The following MRPL36 variants were observed in gnomAD, a reference collection of about 807,000 sequenced individuals.
MRPL36 encodes the protein large ribosomal subunit protein bL36m.
Under a neutral mutation model 2.8 loss-of-function variants are expected in MRPL36, and 1 was observed. The observed-to-expected ratio is 0.36, with a 90% CI of 0.13 to 1.69. The LOEUF (loss-of-function observed/expected upper bound fraction) is 1.69, where lower values mean the gene tolerates loss of function less well. Ranked by LOEUF, MRPL36 falls within the 40% of genes most tolerant of loss-of-function variation. The pLI is 0.35. For synonymous variants in MRPL36, 68 were observed against 54.8 expected, an observed-to-expected ratio of 1.24 and a Z score of -1.06; for missense variants, 148 against 132.7, an observed-to-expected ratio of 1.12 and a Z score of -0.57.
At chr5:1,800,273 G>C (rs1218275352), upstream of MRPL36, among the ~76,000 whole-genome samples, 1 of 152,164 alleles carries the variant, frequency 6.6e-6, no homozygotes, top group East Asian at 1.9e-4. Context: ...AGAGAAAAAG[G>C]GAAAGAACTG....
In MRPL36 at chr5:1,798,790, C is replaced by A. The variant is rs149668102; in HGVS notation, c.146G>T (p.Arg49Leu). 1.9e-5 allele frequency: 30 copies of A among 1,614,110 alleles called. No individual in the cohort carries two copies. Among genetic ancestry groups the A allele is most frequent in the Non-Finnish European group, 2.3e-5 (27 of 1,180,018 alleles). ...CAGGAGGCCGGGTGAGAGAAGTGAG[C>A]GCACTGCTGCCCCGGGTTCCACAGC... ...PVAVEPGAAV[R>L]SLLSPGLLPH... Residue 49 changes from arginine (R) to leucine (L), a missense_variant, in exon 2 of 2, where the codon CGC becomes CTC. Transcript: ENST00000505059.
rs370132229 is a variant in MRPL36 at position 1,798,612 on chromosome 5, G to A, written c.*12C>T. On this transcript the variant is annotated 3_prime_UTR_variant, in exon 2 of 2. Transcript: ENST00000505059. ...GATGACGAGTATGTGCGTGACTCTG[G>A]AGGGAAAGGGTCTACATCTGTCTCT... 3.1e-6 allele frequency: 5 copies of A among 1,595,158 alleles called. No homozygotes were observed. Among genetic ancestry groups the A allele is most frequent in the Non-Finnish European group, 4.3e-6 (5 of 1,164,748 alleles).
upstream of MRPL36, among the ~76,000 whole-genome samples, chr5:1,800,972 G>T (rs568251218): frequency 3.3e-5 from 5 of 152,114 alleles, no homozygotes; most frequent in East Asian, 1.9e-4. Flanking sequence ...CATGATTATC[G>T]GTTACCATAA....
chr5:1,799,875 CG>C (rs368360524), upstream of MRPL36: 24,623 of 131,434 alleles, frequency 0.19, 2,404 homozygotes, highest in South Asian at 0.32. Flanking sequence ...AAGATGGCGG[CG>C]GGGGGGGGGG....
At position 1,798,452 on chromosome 5, in the gene MRPL36, A is replaced by G. The variant is rs1404169365; in HGVS notation, c.*172T>C. ...GAACGTTTTGGAAATAAGATAACGCAATGTCTTCTATAGTTACTCATTTAC... is the reference window on the plus strand; with the variant it reads ...GAACGTTTTGGAAATAAGATAACGCGATGTCTTCTATAGTTACTCATTTAC... On this transcript the variant is annotated 3_prime_UTR_variant, in exon 2 of 2. Coordinates refer to ENST00000505059, the MANE Select transcript of MRPL36 (RefSeq NM_032479.4). 1.6e-6 allele frequency: 1 copy of G among 607,232 alleles called. No homozygotes were observed. The highest frequency in any genetic ancestry group is 2.8e-6 in the Non-Finnish European group (1 of 352,602). The allele number at this position is 607,232 out of a possible 1,614,324, so 37.6% of individuals were successfully genotyped here. A position where few individuals can be genotyped will look rare whatever the true frequency, so the allele number is the denominator to read the frequency against.
rs199560596 is a variant in MRPL36 at position 1,798,819 on chromosome 5, G to A, written c.117C>T (p.Pro39=). 10 of 1,613,130 alleles carry A rather than the reference G, an allele frequency of 6.2e-6. No homozygotes were observed. The highest frequency in any genetic ancestry group is 2.2e-5 in the South Asian group (2 of 91,080). ...CTGCTGCCCCGGGTTCCACAGCCAC[G>A]GGGGCTGCACCTCGAATGGATCCAA... ...FLFGSIRGAA[P]VAVEPGAAVR... is the part of the protein sequence containing the mutation. The change falls in exon 2 of 2, where the codon CCC becomes CCT. Residue 39 remains proline (P), a synonymous_variant. Coordinates refer to ENST00000505059, the MANE Select transcript of MRPL36 (RefSeq NM_032479.4).
upstream of MRPL36, among the ~76,000 whole-genome samples, chr5:1,800,132 A>G (rs1479964148): frequency 6.6e-6 from 1 of 152,222 alleles, no homozygotes; most frequent in African/African-American, 2.4e-5. Flanking sequence ...TGTCAAAACA[A>G]ACTGAGAAAG....
In MRPL36 at chr5:1,798,843, A is replaced by C; in HGVS notation, c.93T>G (p.Phe31Leu). ...CGGGGGCTGCACCTCGAATGGATCC[A>C]AATAGAAATGTGGAGAGGGCTCGAG... ...VKPRALSTFLFGSIRGAAPVA... is the reference protein window; with the variant it reads ...VKPRALSTFLLGSIRGAAPVA... Residue 31 changes from phenylalanine to leucine, a missense_variant, in exon 2 of 2, where the codon TTT (phenylalanine) becomes TTG (leucine). Phe to Leu is a conservative substitution (Grantham distance 22). Transcript: ENST00000505059. The C allele has an allele frequency of 6.2e-7, 1 of 1,614,056 alleles. No homozygotes were observed. Among genetic ancestry groups the C allele is most frequent in the African/African-American group, 1.3e-5 (1 of 75,038 alleles).
Position 1,798,901 on chromosome 5 carries a change from G to C in MRPL36, c.35C>G (p.Pro12Arg), listed in dbSNP as rs369869102. 6.2e-6 allele frequency: 10 copies of C among 1,603,024 alleles called. No individual in the cohort carries two copies. Among genetic ancestry groups the C allele is most frequent in the African/African-American group, 1.3e-5 (1 of 74,774 alleles). Residue 12 changes from proline to arginine, a missense_variant, in exon 2 of 2, where the codon CCT becomes CGT. Pro to Arg is a moderately radical substitution (Grantham distance 103). Transcript: ENST00000505059. Reference sequence around the variant, plus strand: ...CGTGTGACGACTGAGATAGAGCAGAGGGTTCACCATTTTCCTTATAAAAAG... The same window carrying C: ...CGTGTGACGACTGAGATAGAGCAGACGGTTCACCATTTTCCTTATAAAAAG... ...ANLFIRKMVN[P>R]LLYLSRHTVK... is the part of the protein sequence containing the mutation.
rs755627270 is a variant in MRPL36, at chr5:1,798,803, C to T, written c.133G>A (p.Gly45Arg). 1.9e-6 allele frequency: 3 copies of T among 1,613,942 alleles called. No homozygotes were observed. The highest frequency in any genetic ancestry group is 2.2e-5 in the South Asian group (2 of 91,074). Residue 45 changes from glycine to arginine, a missense_variant, in exon 2 of 2, where the codon GGG becomes AGG. Transcript: ENST00000505059. ...RGAAPVAVEPGAAVRSLLSPG... is the reference protein window; with the variant it reads ...RGAAPVAVEPRAAVRSLLSPG... ...GAGAGAAGTGAGCGCACTGCTGCCCCGGGTTCCACAGCCACGGGGGCTGCA... is the reference window on the plus strand; with the variant it reads ...GAGAGAAGTGAGCGCACTGCTGCCCTGGGTTCCACAGCCACGGGGGCTGCA...
At chr5:1,801,224 T>C, upstream of MRPL36, 1 of 804,358 alleles carries the variant, frequency 1.2e-6, no homozygotes, top group Non-Finnish European at 1.9e-6. Context: ...TCAGGGGCAT[T>C]TTTAGCGAGA....
chr5:1,799,784 T>TCCCTCAACCGGCCACACG lies in MRPL36; in HGVS notation c.-13+7_-13+8insCGTGTGGCCGGTTGAGGG, dbSNP rs1554017847. The TCCCTCAACCGGCCACACG allele has an allele frequency of 7.4e-6, 1 of 134,288 alleles. No homozygotes were observed. Among genetic ancestry groups the TCCCTCAACCGGCCACACG allele is most frequent in the African/African-American group, 2.9e-5 (1 of 34,184 alleles). 8.3% of individuals were successfully genotyped at this position (134,288 alleles called of 1,614,324 possible). A position where few individuals can be genotyped will look rare whatever the true frequency, so the allele number is the denominator to read the frequency against. ...GGGACCCCTGACCTGAGAAGACGGCTCCCTTACCCGGCCGCACGCTCTCAC... is the reference window on the plus strand; with the variant it reads ...GGGACCCCTGACCTGAGAAGACGGCTCCCTCAACCGGCCACACGCCCTTACCCGGCCGCACGCTCTCAC... On this transcript the variant is annotated splice_region_variant and intron_variant, in intron 1 of 1. Transcript: ENST00000505059.
chr5:1,800,808 A>T (rs1419767594), upstream of MRPL36, among the ~76,000 whole-genome samples: 1 of 152,156 alleles, frequency 6.6e-6, no homozygotes, highest in Non-Finnish European at 1.5e-5. Context: ...TCGGTGTACT[A>T]GGCTTTGTTG....
upstream of MRPL36, among the ~76,000 whole-genome samples, chr5:1,800,983 G>A (rs1214960936): frequency 6.6e-6 from 1 of 152,148 alleles, no homozygotes; most frequent in Non-Finnish European, 1.5e-5. Flanking sequence ...GTTACCATAA[G>A]AATATAAACA....
upstream of MRPL36, chr5:1,801,337 G>A (rs967779097): frequency 4.5e-6 from 7 of 1,544,106 alleles, no homozygotes; most frequent in Admixed American, 1.1e-4. Flanking sequence ...TAAATACCGG[G>A]TGTTTGGCGC....
At chr5:1,799,021 T>A in intron 1 of MRPL36, 74 bp from the exon 2 acceptor site, 1 of 1,254,334 alleles carries the variant, frequency 8.0e-7, no homozygotes. Context: ...TCCTTTTCTC[T>A]GTTTCACTGA....
chr5:1,801,327 T>G, upstream of MRPL36: 1 of 1,523,492 alleles, frequency 6.6e-7, no homozygotes, highest in South Asian at 1.2e-5. Flanking sequence ...CAGGGCGAAA[T>G]AAATACCGGG....
chr5:1,800,327 G>C (rs1430386983), upstream of MRPL36, among the ~76,000 whole-genome samples: 1 of 152,166 alleles, frequency 6.6e-6, no homozygotes, highest in Non-Finnish European at 1.5e-5. Flanking sequence ...TCTACCCTTA[G>C]CTCGCTTATC....
rs1291025535 is a variant in MRPL36 at position 1,798,406 on chromosome 5, T to C, written c.*218A>G. ...AAGCTATTCGGAAGGTCTATTTTAA[T>C]AGGAAAATGTTTTTTAGTTGGAACG... is the stretch of plus-strand genomic sequence containing the variant. On this transcript the variant is annotated 3_prime_UTR_variant, in exon 2 of 2. Coordinates refer to ENST00000505059, the MANE Select transcript of MRPL36 (RefSeq NM_032479.4). 1.6e-5 allele frequency: 8 copies of C among 505,570 alleles called. No homozygotes were observed. Among genetic ancestry groups the C allele is most frequent in the Non-Finnish European group, 2.1e-5 (6 of 283,102 alleles). 31.3% of individuals were successfully genotyped at this position (505,570 alleles called of 1,614,324 possible).
Sources: gnomAD v4.1 joint callset for allele counts (sites outside exome capture counted in the v4.1 genomes callset) on GRCh38, gnomAD v4.1.1 for gene constraint, MANE v1.5 for transcripts, NCBI Gene and HGNC (gene_info 2026-07-23, HGNC 2026-07-21) for gene names.